TLCD3A: variants seen among roughly 807,000 people sequenced by gnomAD.
TLCD3A encodes TLC domain containing 3A.
Under a neutral mutation model 29.9 loss-of-function variants are expected in TLCD3A, and 17 were observed. The observed-to-expected ratio is 0.57, with a 90% confidence interval of 0.39 to 0.85. The LOEUF is 0.85. Among genes scored for constraint, TLCD3A ranks in the 40% least tolerant of loss-of-function variants. TLCD3A has a pLI of 0.00. For missense variants in TLCD3A, 332 were observed against 350.8 expected (o/e 0.95, Z 0.43); for synonymous variants, 143 against 147.7 (o/e 0.97, Z 0.23).
chr17:741,476 C>T lies in TLCD3A; in HGVS notation c.680C>T (p.Ala227Val). 6.2e-7 allele frequency: 1 copy of T among 1,614,236 alleles called. No homozygotes were observed. Among genetic ancestry groups the T allele is most frequent in the Non-Finnish European group, 8.5e-7 (1 of 1,180,044 alleles). ...SIPFYCNVAN[A>V]FLVAPQIYWF... Reference sequence around the variant, plus strand: ...CCATTCTACTGCAACGTGGCCAATGCCTTCCTCGTAGCTCCTCAGATCTAC... The same window carrying T: ...CCATTCTACTGCAACGTGGCCAATGTCTTCCTCGTAGCTCCTCAGATCTAC... Residue 227 changes from alanine (A) to valine (V), a missense_variant, in exon 5 of 5, where the codon GCC becomes GTC. Ala to Val is a moderately conservative substitution (Grantham distance 64, BLOSUM62 0). Coordinates refer to ENST00000308278, the MANE Select transcript of TLCD3A (RefSeq NM_024792.3).
At chr17:733,027 G>C in intron 1 of TLCD3A, 71 bp from the exon 2 acceptor site, 1 of 1,412,520 alleles carries the variant, frequency 7.1e-7, no homozygotes, top group Non-Finnish European at 9.3e-7. Context: ...TCAGGCCGAA[G>C]GGCCGGGCCG....
intron 2 of TLCD3A, among the ~76,000 whole-genome samples, chr17:736,997 T>C (rs970113486): frequency 2.0e-5 from 3 of 148,726 alleles, no homozygotes; most frequent in South Asian, 4.3e-4. Context: ...ATCTCTAGAA[T>C]TGCTTTTTGG....
At position 741,756 on chromosome 17, in the gene TLCD3A, T is replaced by C. The variant is rs1455689023; in HGVS notation, c.*186T>C. The C allele has an allele frequency of 1.5e-5, 10 of 680,908 alleles. No homozygotes were observed. The highest frequency in any genetic ancestry group is 2.2e-5 in the Non-Finnish European group (9 of 410,698). The allele number at this position is 680,908 out of a possible 1,614,324, so 42.2% of individuals were successfully genotyped here. A position where few individuals can be genotyped will look rare whatever the true frequency, so the allele number is the denominator to read the frequency against. The stretch of plus-strand genomic sequence containing the variant: ...TGCCCTATTTGCAAAAGCACTTTTG[T>C]AGTAACAACTATTGGGTCCTGTCAG... On this transcript the variant is annotated 3_prime_UTR_variant, in exon 5 of 5. Coordinates refer to ENST00000308278, the MANE Select transcript of TLCD3A (RefSeq NM_024792.3).
In TLCD3A at chr17:737,852, G is replaced by C; in HGVS notation, c.213G>C (p.Trp71Cys). 6.2e-7 allele frequency: 1 copy of C among 1,614,010 alleles called. No individual in the cohort carries two copies. Among genetic ancestry groups the C allele is most frequent in the Non-Finnish European group, 8.5e-7 (1 of 1,179,958 alleles). ...TTCATATGCTTTCTTTCAGGCACTG[G>C]CTTGCCCGGGAATATGTGTGGTTTC... The part of the protein sequence containing the change: ...SCDDVITGRH[W>C]LAREYVWFLI... The change falls in exon 3 of 5, where the codon TGG becomes TGC. Residue 71 changes from tryptophan (W) to cysteine (C), a missense_variant. By Grantham distance (215) the Trp-to-Cys change is radical. Coordinates refer to ENST00000308278, the MANE Select transcript of TLCD3A (RefSeq NM_024792.3).
rs1229693000 is a variant in TLCD3A, at chr17:737,933, A to T, written c.294A>T (p.Arg98=). 1 of 1,613,852 alleles carries T rather than the reference A, an allele frequency of 6.2e-7. No homozygotes were observed. Among genetic ancestry groups the T allele is most frequent in the African/African-American group, 1.3e-5 (1 of 74,836 alleles). The stretch of plus-strand genomic sequence containing the variant: ...CCATGTACCTCTGTGAATGGTGCCG[A>T]ACCAGAGACCAGAACCGTGCGCCCT... The part of the protein sequence containing the change: ...SYAMYLCEWC[R]TRDQNRAPSL... The change falls in exon 3 of 5, where the codon CGA becomes CGT. Residue 98 remains arginine (R), a synonymous_variant. Coordinates refer to ENST00000308278, the MANE Select transcript of TLCD3A (RefSeq NM_024792.3).
intron 3 of TLCD3A, 150 bp downstream of exon 3, chr17:738,197 G>C: frequency 1.6e-6 from 1 of 635,266 alleles, no homozygotes; most frequent in Non-Finnish European, 2.6e-6. Context: ...CCGGGTTCAA[G>C]CGATTCTCCT....
Position 741,619 on chromosome 17 carries a change from C to T in TLCD3A, c.*49C>T, listed in dbSNP as rs1567771990. 3.8e-6 allele frequency: 6 copies of T among 1,594,546 alleles called. No homozygotes were observed. Among genetic ancestry groups the T allele is most frequent in the Non-Finnish European group, 5.1e-6 (6 of 1,174,270 alleles). The stretch of plus-strand genomic sequence containing the variant: ...CCTCACACCAGCTGCCTCCTCCACT[C>T]AGCATTCCATGGACCAAATTGTGCC... On this transcript the variant is annotated 3_prime_UTR_variant, in exon 5 of 5. Transcript: ENST00000308278.
intron 3 of TLCD3A, among the ~76,000 whole-genome samples, chr17:738,895 G>A (rs1010657035): frequency 2.6e-5 from 4 of 152,178 alleles, no homozygotes; most frequent in East Asian, 3.9e-4. Flanking sequence ...AACCCCCAGC[G>A]CTCTGTGATT....
intron 2 of TLCD3A, among the ~76,000 whole-genome samples, chr17:737,141 A>G (rs1368342183): frequency 6.6e-6 from 1 of 151,450 alleles, no homozygotes; most frequent in African/African-American, 2.4e-5. Flanking sequence ...CCTCCCAAGT[A>G]GCTGGGACTA....
intron 3 of TLCD3A, among the ~76,000 whole-genome samples, chr17:739,611 T>C (rs1181814835): frequency 6.6e-6 from 1 of 152,252 alleles, no homozygotes; most frequent in East Asian, 1.9e-4. Flanking sequence ...GTGCTGGGAT[T>C]ATAGGCGTGA....
rs1003766753 is a variant in TLCD3A at position 741,706 on chromosome 17, T to C, written c.*136T>C. 36 of 1,051,666 alleles carry C rather than the reference T, an allele frequency of 3.4e-5. No homozygotes were observed. The East Asian group carries it at 8.3e-4, about 24-fold the overall frequency. The allele number at this position is 1,051,666 out of a possible 1,614,324, so 65.1% of individuals were successfully genotyped here. A position where few individuals can be genotyped will look rare whatever the true frequency, so the allele number is the denominator to read the frequency against. On this transcript the variant is annotated 3_prime_UTR_variant, in exon 5 of 5. Coordinates refer to ENST00000308278, the MANE Select transcript of TLCD3A (RefSeq NM_024792.3). ...TGGATTTGAGTTTTTCTAAAGAATA[T>C]TCATATTACCTCCTTCTTCTAACTT...
chr17:739,128 G>A (rs1421206661), intron 3 of TLCD3A, among the ~76,000 whole-genome samples: 1 of 151,616 alleles, frequency 6.6e-6, no homozygotes, highest in African/African-American at 2.4e-5. Context: ...GGAAAGCTGA[G>A]GGGAAATTCC....
chr17:735,740 G>A (rs1471818946), intron 2 of TLCD3A, among the ~76,000 whole-genome samples: 20 of 151,872 alleles, frequency 1.3e-4, no homozygotes, highest in East Asian at 3.9e-4. Flanking sequence ...CGAGGTGGGC[G>A]GATCACTTGA....
intron 2 of TLCD3A, among the ~76,000 whole-genome samples, chr17:737,097 C>T (rs1268702514): frequency 4.7e-5 from 7 of 148,380 alleles, no homozygotes; most frequent in East Asian, 2.0e-4. Context: ...CTGCAACCTC[C>T]GCCTCCCGGG....
intron 3 of TLCD3A, among the ~76,000 whole-genome samples, chr17:739,751 A>C (rs1486793668): frequency 6.6e-6 from 1 of 152,232 alleles, no homozygotes; most frequent in Non-Finnish European, 1.5e-5. Context: ...AGTGGTACTA[A>C]GTGGCAGAGC....
Position 732,949 on chromosome 17 carries a change from G to A in TLCD3A, c.123-149G>A, listed in dbSNP as rs1457624639. On this transcript the variant is annotated intron_variant, in intron 1 of 4. Transcript: ENST00000308278. ...GTCCTCCCCTGGCGGGAGCGGGGCC[G>A]GGGCGGGCGGGAATGGCCGATGAGC... 5 of 1,390,234 alleles carry A rather than the reference G, an allele frequency of 3.6e-6. No homozygotes were observed. The African/African-American group carries it at 4.5e-5, about 13-fold the overall frequency. The allele number at this position is 1,390,234 out of a possible 1,614,324, so 86.1% of individuals were successfully genotyped here.
Position 732,765 on chromosome 17 carries a change from A to C in TLCD3A, c.118A>C (p.Thr40Pro). Reference protein sequence around the residue: ...WSRTDCVMISTRLVSSVHAVL... With the variant: ...WSRTDCVMISPRLVSSVHAVL... ...CCGCACCGACTGCGTGATGATCAGCACCAGGTACCGGCGCCGCCGAGACGC... is the reference window on the plus strand; with the variant it reads ...CCGCACCGACTGCGTGATGATCAGCCCCAGGTACCGGCGCCGCCGAGACGC... The change falls in exon 1 of 5, where the codon ACC becomes CCC. Residue 40 changes from threonine (T) to proline (P), a missense_variant. Thr to Pro is a conservative substitution (Grantham distance 38). Transcript: ENST00000308278. 10 of 1,450,274 alleles carry C rather than the reference A, an allele frequency of 6.9e-6. No homozygotes were observed. The highest frequency in any genetic ancestry group is 9.1e-6 in the Non-Finnish European group (10 of 1,103,526). 89.8% of individuals were successfully genotyped at this position (1,450,274 alleles called of 1,614,324 possible).
chr17:740,411 C>T, intron 3 of TLCD3A, 94 bp from the exon 4 acceptor site: 2 of 924,444 alleles, frequency 2.2e-6, no homozygotes. Context: ...CTTTGCCCGT[C>T]ACAGTTACCC....
intron 2 of TLCD3A, among the ~76,000 whole-genome samples, chr17:734,648 T>C (rs1974128064): frequency 6.6e-6 from 1 of 152,096 alleles, no homozygotes; most frequent in Non-Finnish European, 1.5e-5. Flanking sequence ...TACTATATAC[T>C]GAATATTTTT....
Sources: allele counts gnomAD v4.1 joint callset (sites outside exome capture counted in the v4.1 genomes callset), GRCh38; gene constraint gnomAD v4.1.1; transcripts MANE v1.5; gene names NCBI Gene and HGNC (gene_info 2026-07-23, HGNC 2026-07-21).